The following TRIM5 variants were observed in gnomAD, a reference collection of about 807,000 sequenced individuals.
TRIM5 encodes the protein tripartite motif-containing protein 5.
Under a neutral mutation model 35.6 loss-of-function variants are expected in TRIM5, and 31 were observed. That is an observed-to-expected ratio of 0.87 (90% CI 0.65 to 1.18). The LOEUF is 1.18. TRIM5 is among the 50% of genes most tolerant of loss of function. The pLI is 0.00. For missense variants in TRIM5, 609 were observed against 591.6 expected, an observed-to-expected ratio of 1.03 and a Z score of -0.31; for synonymous variants, 243 against 215.6, an observed-to-expected ratio of 1.13 and a Z score of -1.11.
the TRIM5 span, chr11:5,643,182 C>A: frequency 6.3e-7 from 1 of 1,580,452 alleles, no homozygotes; most frequent in Non-Finnish European, 8.6e-7. Context: ...AAATTTGAAT[C>A]TTGTCCTTTC....
chr11:5,661,504 T>C (rs1358983700), downstream of TRIM5, among the ~76,000 whole-genome samples: 5 of 152,162 alleles, frequency 3.3e-5, no homozygotes, highest in African/African-American at 1.2e-4. Context: ...ATCCCTGTTT[T>C]TTTTCACAAC....
the TRIM5 span, chr11:5,634,492 TACACACACACACAC>T: frequency 7.8e-3 from 1,787 of 228,010 alleles, 10 homozygotes; most frequent in African/African-American, 0.017. Flanking sequence ...ATAATATAAA[TACACACACACACAC>T]ACACACACAC....
chr11:5,638,784 T>A, the TRIM5 span, among the ~76,000 whole-genome samples: 4 of 152,174 alleles, frequency 2.6e-5, no homozygotes, highest in African/African-American at 9.7e-5. Context: ...CAGAATGAAG[T>A]CTAGCTGCTT....
At chr11:5,597,276 G>A in the TRIM5 span, among the ~76,000 whole-genome samples, 1 of 152,144 alleles carries the variant, frequency 6.6e-6, no homozygotes, top group Non-Finnish European at 1.5e-5. Flanking sequence ...AGGATTGAGT[G>A]AGACAGATTT....
At chr11:5,589,417 T>C in the TRIM5 span, 4 of 152,152 alleles carry the variant, frequency 2.6e-5, no homozygotes, top group Admixed American at 2.0e-4. Context: ...AGACATGTAT[T>C]TGATGATTCT....
the TRIM5 span, among the ~76,000 whole-genome samples, chr11:5,607,816 A>G: frequency 6.6e-6 from 1 of 152,224 alleles, no homozygotes; most frequent in Non-Finnish European, 1.5e-5. Flanking sequence ...TACCTGTGAC[A>G]TATTTGCTGG....
the TRIM5 span, among the ~76,000 whole-genome samples, chr11:5,614,549 C>A: frequency 4.6e-5 from 7 of 152,304 alleles, no homozygotes; most frequent in East Asian, 1.2e-3. Context: ...TTGGTGGAAA[C>A]TGCCTGGAAC....
At chr11:5,655,739 G>C in the TRIM5 span, 20 of 949,370 alleles carry the variant, frequency 2.1e-5, no homozygotes, top group Non-Finnish European at 2.4e-5. Flanking sequence ...GGGCACAAAA[G>C]TATGTGCAGG....
At chr11:5,634,668 A>G in the TRIM5 span, 1 of 1,613,910 alleles carries the variant, frequency 6.2e-7, no homozygotes. Context: ...ATACAAACAG[A>G]ATTTGATCAG....
the TRIM5 span, chr11:5,612,024 A>C: frequency 6.6e-6 from 1 of 152,138 alleles, no homozygotes; most frequent in African/African-American, 2.4e-5. Flanking sequence ...ATTGTGTATC[A>C]TTTTTGTTCT....
chr11:5,599,699 G>C, the TRIM5 span, among the ~76,000 whole-genome samples: 1 of 128,154 alleles, frequency 7.8e-6, no homozygotes, highest in Non-Finnish European at 1.8e-5. Context: ...CACCGCGCCC[G>C]GCCAACACAA....
chr11:5,592,891 T>C, the TRIM5 span, among the ~76,000 whole-genome samples: 1 of 128,620 alleles, frequency 7.8e-6, no homozygotes, highest in Non-Finnish European at 1.5e-5. Flanking sequence ...CATGCCAGCC[T>C]GGGCAACAGA....
At chr11:5,617,652 C>G in the TRIM5 span, among the ~76,000 whole-genome samples, 2 of 142,688 alleles carry the variant, frequency 1.4e-5, no homozygotes, top group Non-Finnish European at 3.1e-5. Flanking sequence ...CCACGCCTGT[C>G]TAATTTTTGT....
intron 4 of TRIM5, among the ~76,000 whole-genome samples, chr11:5,676,765 A>G (rs1251554530): frequency 6.6e-6 from 1 of 151,058 alleles, no homozygotes; most frequent in Non-Finnish European, 1.5e-5. Context: ...ATATAGATCA[A>G]TGGAACAGAA....
At chr11:5,621,034 G>A in the TRIM5 span, among the ~76,000 whole-genome samples, 1 of 152,178 alleles carries the variant, frequency 6.6e-6, no homozygotes, top group African/African-American at 2.4e-5. Context: ...GCGATTCCAA[G>A]TTAGATACAG....
the TRIM5 span, among the ~76,000 whole-genome samples, chr11:5,644,605 G>A: frequency 5.9e-5 from 9 of 151,848 alleles, no homozygotes; most frequent in East Asian, 1.7e-3. Flanking sequence ...TATATACTAT[G>A]ATGTTTTGAT....
Position 5,664,814 on chromosome 11 carries a change from A to G in TRIM5, c.1477T>C (p.Ser493Pro). ...GVPMTLCSPSS is the reference protein window; with the variant it reads ...GVPMTLCSPSP Reference sequence around the variant, plus strand: ...GGCTGAGTGTGTAAGAAGGTTCAAGAGCTTGGTGAGCACAGAGTCATGGGG... The same window carrying G: ...GGCTGAGTGTGTAAGAAGGTTCAAGGGCTTGGTGAGCACAGAGTCATGGGG... Residue 493 changes from serine (S) to proline (P), a missense_variant, in exon 8 of 8, where the codon TCT becomes CCT. Ser to Pro is a moderately conservative substitution (Grantham distance 74). Transcript: ENST00000380034. 2 of 1,587,636 alleles carry G rather than the reference A, an allele frequency of 1.3e-6. No homozygotes were observed. The highest frequency in any genetic ancestry group is 8.6e-7 in the Non-Finnish European group (1 of 1,169,340).
chr11:5,633,583 A>C, the TRIM5 span, among the ~76,000 whole-genome samples: 1 of 152,254 alleles, frequency 6.6e-6, no homozygotes, highest in Non-Finnish European at 1.5e-5. Context: ...GAAAGACAGA[A>C]TCAGGCTACT....
the TRIM5 span, chr11:5,633,810 C>T: frequency 9.3e-6 from 15 of 1,613,758 alleles, no homozygotes; most frequent in Non-Finnish European, 1.3e-5. Context: ...ATAGGAGAAA[C>T]TCCAGGCAGT....
Sources: gnomAD v4.1 joint callset for allele counts (sites outside exome capture counted in the v4.1 genomes callset) on GRCh38, gnomAD v4.1.1 for gene constraint, MANE v1.5 for transcripts, NCBI Gene and HGNC (gene_info 2026-07-23, HGNC 2026-07-21) for gene names.